DGKZ: variants seen among roughly 807,000 people sequenced by gnomAD.
The protein encoded by DGKZ is diacylglycerol kinase zeta.
Under a neutral mutation model 142.5 loss-of-function variants are expected in DGKZ, and 45 were observed. The ratio of observed to expected loss-of-function variants is 0.32; its 90% CI spans 0.25 to 0.40. The LOEUF (loss-of-function observed/expected upper bound fraction) is 0.40. DGKZ is among the 10% of genes least tolerant of loss of function. DGKZ has a pLI of 1.00. For synonymous variants in DGKZ, 442 were observed against 527.0 expected (o/e 0.84, Z 2.21); for missense variants, 755 against 1,306.5 (o/e 0.58, Z 6.51).
At chr11:46,380,041 G>T (rs1004066567) in exon 31 of DGKZ, 129 of 1,256,332 alleles carry the variant, frequency 1.0e-4, no homozygotes, top group Non-Finnish European at 1.3e-4. Flanking sequence ...GGACGGCCAC[G>T]GGGGGACCTA....
chr11:46,340,886 C>T (rs191458345), intron 1 of DGKZ, among the ~76,000 whole-genome samples: 72 of 152,306 alleles, frequency 4.7e-4, no homozygotes, highest in African/African-American at 1.5e-3. Context: ...TGGTGGCTCA[C>T]GCCTGTAATC....
intron 24 of DGKZ, 135 bp downstream of exon 24, chr11:46,376,699 C>T (rs373898871): frequency 1.6e-6 from 2 of 1,221,750 alleles, no homozygotes; most frequent in African/African-American, 1.5e-5. Flanking sequence ...TTACTATTGC[C>T]TGTGTGCATG....
rs941879218 is a variant in DGKZ, at chr11:46,376,217, G to T, written c.2091+72G>T. The T allele has an allele frequency of 1.9e-6, 3 of 1,605,436 alleles. No individual in the cohort carries two copies. In the African/African-American group the frequency reaches 4.0e-5, roughly 22 times the overall value. Reference sequence around the variant, plus strand: ...AAGTGAGGCCAGGCCTCTTCCTCCCGCAGCCAGCTCGCCCTGCGGAGCCTC... The same window carrying T: ...AAGTGAGGCCAGGCCTCTTCCTCCCTCAGCCAGCTCGCCCTGCGGAGCCTC... On this transcript the variant is annotated intron_variant, in intron 22 of 30. Transcript: ENST00000527911.
intron 1 of DGKZ, chr11:46,365,605 A>G: frequency 1.0e-6 from 1 of 985,256 alleles, no homozygotes; most frequent in African/African-American, 1.7e-5. Flanking sequence ...CTCTATTTCC[A>G]GGAGTCACCT....
intron 16 of DGKZ, 25 bp downstream of exon 16, chr11:46,374,479 T>C: frequency 6.2e-7 from 1 of 1,613,906 alleles, no homozygotes; most frequent in Non-Finnish European, 8.5e-7. Context: ...CACCCCCGCC[T>C]GTGCCCACCT....
chr11:46,365,655 G>A (rs1943167162), intron 1 of DGKZ: 2 of 985,204 alleles, frequency 2.0e-6, no homozygotes, highest in Non-Finnish European at 2.4e-6. Flanking sequence ...AGACTCTGGG[G>A]GTCCTGTCAG....
At chr11:46,366,415 C>A in intron 1 of DGKZ, 1 of 1,533,710 alleles carries the variant, frequency 6.5e-7, no homozygotes, top group South Asian at 1.2e-5. Context: ...GCCGCTCCAG[C>A]GCCCAGCTCC....
upstream of DGKZ, among the ~76,000 whole-genome samples, chr11:46,346,093 G>A (rs1392479209): frequency 6.6e-6 from 1 of 152,196 alleles, no homozygotes; most frequent in Non-Finnish European, 1.5e-5. Context: ...TCCCTGATCA[G>A]ACCTTCTCCC....
intron 1 of DGKZ, among the ~76,000 whole-genome samples, chr11:46,339,377 G>A (rs973413716): frequency 3.9e-5 from 6 of 152,242 alleles, no homozygotes; most frequent in Admixed American, 3.9e-4. Context: ...AGCAGGGGGA[G>A]GGGACCACGG....
chr11:46,377,902 C>G, intron 25 of DGKZ: 1 of 498,610 alleles, frequency 2.0e-6, no homozygotes, highest in Non-Finnish European at 3.6e-6. Context: ...CTCCCAGGAC[C>G]CCCTCTGCAG....
chr11:46,362,530 G>A (rs984105378), intron 1 of DGKZ, among the ~76,000 whole-genome samples: 1 of 152,138 alleles, frequency 6.6e-6, no homozygotes, highest in Non-Finnish European at 1.5e-5. Context: ...AGGCCCTGCT[G>A]TCTGCCAGGT....
chr11:46,348,737 T>C (rs917147303), intron 1 of DGKZ, among the ~76,000 whole-genome samples: 1 of 152,206 alleles, frequency 6.6e-6, no homozygotes, highest in Non-Finnish European at 1.5e-5. Flanking sequence ...CTGCCTGCCC[T>C]GGTAGCCGTG....
At chr11:46,340,805 G>A (rs1463355329) in intron 1 of DGKZ, among the ~76,000 whole-genome samples, 1 of 152,218 alleles carries the variant, frequency 6.6e-6, no homozygotes, top group Admixed American at 6.5e-5. Flanking sequence ...GGCTTCAGCA[G>A]GTGCCCAGAT....
At chr11:46,375,125 C>T (rs1382653777) in intron 19 of DGKZ, 80 bp downstream of exon 19, 48 of 1,327,838 alleles carry the variant, frequency 3.6e-5, no homozygotes, top group Non-Finnish European at 4.7e-5. Flanking sequence ...CTCCATGGGC[C>T]ACGGCGGCCT....
At chr11:46,340,637 T>C (rs566595286) in intron 1 of DGKZ, among the ~76,000 whole-genome samples, 1 of 152,294 alleles carries the variant, frequency 6.6e-6, no homozygotes, top group East Asian at 1.9e-4. Context: ...TTCGTGAAGC[T>C]ACCCAAAAGG....
At chr11:46,342,351 G>T (rs966022065) in intron 1 of DGKZ, among the ~76,000 whole-genome samples, 4 of 152,170 alleles carry the variant, frequency 2.6e-5, no homozygotes, top group African/African-American at 9.7e-5. Context: ...TCACAGTCAG[G>T]ACTGCCCTGC....
chr11:46,347,387 C>A (rs1212013376), upstream of DGKZ: 1 of 983,812 alleles, frequency 1.0e-6, no homozygotes, highest in East Asian at 1.1e-4. This position sits in a 1 kb window ranked among gnomAD's most constrained non-coding sequence, Gnocchi z 6.4. Flanking sequence ...TGCCACCGTG[C>A]GGCCGAGGGG....
At chr11:46,366,308 GA>G in intron 1 of DGKZ, 3 of 1,582,178 alleles carry the variant, frequency 1.9e-6, no homozygotes, top group Non-Finnish European at 2.6e-6. Flanking sequence ...AGGCCCTGGA[GA>G]GGGGCAGCAG....
rs754621866 is a variant in DGKZ at position 46,379,810 on chromosome 11, C to G, written c.2689-21C>G. The G allele has an allele frequency of 3.1e-6, 5 of 1,594,850 alleles. No individual in the cohort carries two copies. In the East Asian group the frequency reaches 6.7e-5, roughly 21 times the overall value. On this transcript the variant is annotated intron_variant, in intron 30 of 30. Transcript: ENST00000527911. Reference sequence around the variant, plus strand: ...AGGCCTGCCTCTGGCCCCTGCTGATCGCAGCTCCGCCCTCCTCCAGGGCGA... The same window carrying G: ...AGGCCTGCCTCTGGCCCCTGCTGATGGCAGCTCCGCCCTCCTCCAGGGCGA...
Sources: allele counts gnomAD v4.1 joint callset (sites outside exome capture counted in the v4.1 genomes callset), GRCh38; gene constraint gnomAD v4.1.1; non-coding constraint Gnocchi (gnomAD v3.1); transcripts MANE v1.5; gene names NCBI Gene and HGNC (gene_info 2026-07-23, HGNC 2026-07-21).